RALYL: variants seen among roughly 807,000 people sequenced by gnomAD.
RALYL encodes the protein RALY RNA binding protein like.
In RALYL, 29 loss-of-function variants were observed where a neutral mutation model predicts 35.1. The ratio of observed to expected loss-of-function variants is 0.83; its 90% CI spans 0.61 to 1.13. The LOEUF (loss-of-function observed/expected upper bound fraction) is 1.13. RALYL is among the 50% of genes most tolerant of loss of function. RALYL has a pLI of 0.00. For synonymous variants in RALYL, 120 were observed against 127.6 expected (o/e 0.94, Z 0.40); for missense variants, 359 against 360.4 (o/e 1.00, Z 0.03).
intron 1 of RALYL, among the ~76,000 whole-genome samples, chr8:84,225,543 C>CA (rs1823661959): frequency 1.3e-5 from 2 of 152,178 alleles, no homozygotes; most frequent in South Asian, 2.1e-4. Flanking sequence ...TCTCGGTTTT[C>CA]AAAAAAAGCT....
At chr8:84,599,151 A>G (rs985685516) in intron 2 of RALYL, among the ~76,000 whole-genome samples, 1 of 152,112 alleles carries the variant, frequency 6.6e-6, no homozygotes, top group Non-Finnish European at 1.5e-5. Flanking sequence ...AGGGCTGAAT[A>G]ACACATTTCA....
At chr8:84,754,245 G>C (rs865821405) in intron 2 of RALYL, among the ~76,000 whole-genome samples, 10 of 150,322 alleles carry the variant, frequency 6.7e-5, no homozygotes, top group African/African-American at 2.5e-4. Flanking sequence ...AAAACTTAAA[G>C]TATAATAATA....
At chr8:84,605,755 C>G (rs974280744) in intron 2 of RALYL, among the ~76,000 whole-genome samples, 1 of 152,068 alleles carries the variant, frequency 6.6e-6, no homozygotes. Flanking sequence ...TTGGCCCAAC[C>G]GGTATGAACT....
chr8:84,793,236 A>G (rs984452423), intron 3 of RALYL, among the ~76,000 whole-genome samples: 1 of 152,168 alleles, frequency 6.6e-6, no homozygotes, highest in African/African-American at 2.4e-5. Context: ...AAAAGAGAAG[A>G]ATTCCAAGGA....
intron 4 of RALYL, 21 bp downstream of exon 4, chr8:84,804,823 T>C (rs906982122): frequency 2.9e-6 from 3 of 1,046,510 alleles, no homozygotes; most frequent in African/African-American, 3.3e-5. Context: ...ATTTAAATAC[T>C]TTAAGTATTA....
At chr8:84,674,286 G>A (rs1301633575) in intron 2 of RALYL, among the ~76,000 whole-genome samples, 1 of 152,052 alleles carries the variant, frequency 6.6e-6, no homozygotes, top group Non-Finnish European at 1.5e-5. Context: ...TGAGATGGTG[G>A]GGTTTTCTAG....
At chr8:84,892,804 AC>A (rs1359335994) in intron 8 of RALYL, among the ~76,000 whole-genome samples, 3 of 152,114 alleles carry the variant, frequency 2.0e-5, no homozygotes, top group African/African-American at 7.2e-5. Flanking sequence ...GCCAGCCAAG[AC>A]TAAAAATCTG....
intron 1 of RALYL, among the ~76,000 whole-genome samples, chr8:84,428,074 GCTGTCTCT>G (rs1240439343): frequency 1.1e-4 from 14 of 123,122 alleles, no homozygotes; most frequent in African/African-American, 4.1e-4. Context: ...GCGCTTGCTC[GCTGTCTCT>G]CTCTCTCTCT....
At chr8:84,745,785 T>A (rs1022521137) in intron 2 of RALYL, among the ~76,000 whole-genome samples, 1 of 152,090 alleles carries the variant, frequency 6.6e-6, no homozygotes, top group Non-Finnish European at 1.5e-5. Context: ...ATCTATCCAG[T>A]GCTTCCATCC....
chr8:84,775,668 T>C (rs78393009), intron 3 of RALYL, among the ~76,000 whole-genome samples: 1 of 152,222 alleles, frequency 6.6e-6, no homozygotes, highest in South Asian at 2.1e-4. Flanking sequence ...TGTCTATATC[T>C]ATGCGGAGAA....
intron 4 of RALYL, among the ~76,000 whole-genome samples, chr8:84,839,440 C>A (rs775331853): frequency 2.0e-5 from 3 of 152,220 alleles, no homozygotes; most frequent in Non-Finnish European, 2.9e-5. Context: ...CGCCATTGCC[C>A]AGGCTTCAGT....
At chr8:84,599,040 A>G (rs567572148) in intron 2 of RALYL, among the ~76,000 whole-genome samples, 15 of 152,220 alleles carry the variant, frequency 9.9e-5, no homozygotes, top group African/African-American at 3.6e-4. Context: ...CGGAACATTC[A>G]ATTTTGGTAT....
At chr8:84,885,736 A>C (rs1007311521) in intron 7 of RALYL, among the ~76,000 whole-genome samples, 2 of 152,132 alleles carry the variant, frequency 1.3e-5, no homozygotes, top group Non-Finnish European at 2.9e-5. Flanking sequence ...TTGATCTACC[A>C]GCTCTTTTTC....
chr8:84,561,451 A>G (rs1252254987), intron 2 of RALYL, among the ~76,000 whole-genome samples: 1 of 151,860 alleles, frequency 6.6e-6, no homozygotes, highest in South Asian at 2.1e-4. Flanking sequence ...ATATTCTAAG[A>G]TTCCTAGTGA....
At chr8:84,416,000 G>A (rs560689358) in intron 1 of RALYL, among the ~76,000 whole-genome samples, 4 of 152,246 alleles carry the variant, frequency 2.6e-5, no homozygotes, top group Admixed American at 2.0e-4. Context: ...GAGTGACGAA[G>A]GATCATTTAA....
At chr8:84,475,006 C>A (rs1383460096) in intron 1 of RALYL, among the ~76,000 whole-genome samples, 1 of 151,726 alleles carries the variant, frequency 6.6e-6, no homozygotes, top group Non-Finnish European at 1.5e-5. Flanking sequence ...TGGTTTGCTG[C>A]ACCCATTACT....
chr8:84,657,275 T>A (rs2131606756), intron 2 of RALYL, among the ~76,000 whole-genome samples: 1 of 152,318 alleles, frequency 6.6e-6, no homozygotes, highest in East Asian at 1.9e-4. Flanking sequence ...TAGTAGTTGC[T>A]TGTTTAGTAT....
chr8:84,908,465 G>A (rs1313601477), intron 8 of RALYL, among the ~76,000 whole-genome samples: 5 of 151,954 alleles, frequency 3.3e-5, no homozygotes, highest in African/African-American at 4.8e-5. Flanking sequence ...GTCTTTCTGT[G>A]CCTGGCTTAT....
At chr8:84,444,776 C>G (rs1030428477) in intron 1 of RALYL, among the ~76,000 whole-genome samples, 1 of 152,042 alleles carries the variant, frequency 6.6e-6, no homozygotes, top group Non-Finnish European at 1.5e-5. Context: ...GCTTAACACA[C>G]TTCAGAAGGA....
Sources: allele counts gnomAD v4.1 joint callset (sites outside exome capture counted in the v4.1 genomes callset), GRCh38; gene constraint gnomAD v4.1.1; transcripts MANE v1.5; gene names NCBI Gene and HGNC (gene_info 2026-07-23, HGNC 2026-07-21).